Variants in PDIA2 observed in about 807,000 individuals in gnomAD.
PDIA2 encodes the protein protein disulfide isomerase family A member 2.
PDIA2 carries 76 observed loss-of-function variants against 51.1 expected under a neutral mutation model. The ratio of observed to expected loss-of-function variants is 1.49; its 90% confidence interval spans 1.24 to 1.80. The LOEUF is 1.80. Ranked by LOEUF, PDIA2 falls within the 40% of genes most tolerant of loss-of-function variation. The pLI, the probability that PDIA2 is intolerant of heterozygous loss-of-function variation, is 0.00. For missense variants in PDIA2, 946 were observed against 706.5 expected, an observed-to-expected ratio of 1.34 and a Z score of -3.84; for synonymous variants, 429 against 309.9, an observed-to-expected ratio of 1.38 and a Z score of -4.04.
chr16:285,817 G>GC lies in PDIA2; in HGVS notation c.1119+120dup, dbSNP rs2052350305. The GC allele has an allele frequency of 9.1e-6, 11 of 1,206,140 alleles. No individual in the cohort carries two copies. The South Asian group carries it at 1.3e-4, about 14-fold the overall frequency. 74.7% of individuals were successfully genotyped at this position (1,206,140 alleles called of 1,614,324 possible). A position where few individuals can be genotyped will look rare whatever the true frequency, so the allele number is the denominator to read the frequency against. Reference sequence around the variant, plus strand: ...CCCTGCCCCTGCAGGCCCCGCAGAGGCCCCCCTCAACCCGGCAATTCTCCC... The same window carrying GC: ...CCCTGCCCCTGCAGGCCCCGCAGAGGCCCCCCCTCAACCCGGCAATTCTCCC... On this transcript the variant is annotated intron_variant, in intron 7 of 10. Coordinates refer to ENST00000219406, the MANE Select transcript of PDIA2 (RefSeq NM_006849.4).
At position 285,295 on chromosome 16, in the gene PDIA2, C is replaced by T. The variant is rs757954999; in HGVS notation, c.796-17C>T. ...GCTGGGGGTCCTGTGGAGTCATGAG[C>T]ACCCTCCCTACTGTAGACGTCTGCC... On this transcript the variant is annotated splice_polypyrimidine_tract_variant and intron_variant, in intron 5 of 10. Transcript: ENST00000219406. 1.9e-6 allele frequency: 3 copies of T among 1,612,400 alleles called. No individual in the cohort carries two copies. In the East Asian group the frequency reaches 6.7e-5, roughly 36 times the overall value.
intron 10 of PDIA2, 51 bp downstream of exon 10, chr16:286,996 A>C (rs755845742): frequency 6.2e-7 from 1 of 1,611,188 alleles, no homozygotes; most frequent in African/African-American, 1.3e-5. Flanking sequence ...TCCTCTTTAC[A>C]CAGGGCTGGC....
chr16:283,902 T>C (rs1216151102), intron 1 of PDIA2, among the ~76,000 whole-genome samples: 3 of 152,204 alleles, frequency 2.0e-5, no homozygotes, highest in Non-Finnish European at 4.4e-5. Flanking sequence ...TTTGCTTTTG[T>C]CGCCCAGGCT....
intron 1 of PDIA2, among the ~76,000 whole-genome samples, chr16:283,842 C>T (rs77223682): frequency 6.6e-6 from 1 of 152,174 alleles, no homozygotes; most frequent in Admixed American, 6.5e-5. Flanking sequence ...CCCAGCCATA[C>T]AAGGCACGAA....
Position 284,722 on chromosome 16 carries a change from G to T in PDIA2, c.470G>T (p.Arg157Leu). ...CGGCGGGTGGGGCCCAGTGCCATGC[G>T]GCTGGAGGACGAGGCGGCCGCCCAG... is the stretch of plus-strand genomic sequence containing the variant. The part of the protein sequence containing the change: ...LRRRVGPSAM[R>L]LEDEAAAQAL... Residue 157 changes from arginine to leucine, a missense_variant, in exon 3 of 11, where the codon CGG becomes CTG. Physicochemically the swap from Arg to Leu is moderately radical, Grantham distance 102. Transcript: ENST00000219406. The T allele has an allele frequency of 6.4e-7, 1 of 1,571,360 alleles. No homozygotes were observed. The highest frequency in any genetic ancestry group is 8.6e-7 in the Non-Finnish European group (1 of 1,163,816).
Position 285,314 on chromosome 16 carries a change from G to A in PDIA2, c.798G>A (p.Thr266=), listed in dbSNP as rs569818288. 2.9e-5 allele frequency: 47 copies of A among 1,612,776 alleles called. No individual in the cohort carries two copies. The highest frequency in any genetic ancestry group is 1.6e-4 in the Middle Eastern group (1 of 6,082). ...CATGAGCACCCTCCCTACTGTAGAC[G>A]TCTGCCAAGATCTTCGCGGCCAGGA... ...MRLVTEFNSQ[T]SAKIFAARIL... is the part of the protein sequence containing the mutation. The change falls in exon 6 of 11, where the codon ACG becomes ACA. Residue 266 remains threonine, a splice_region_variant and synonymous_variant. Coordinates refer to ENST00000219406, the MANE Select transcript of PDIA2 (RefSeq NM_006849.4).
chr16:285,402 G>T lies in PDIA2; in HGVS notation c.886G>T (p.Gly296Cys). 1 of 1,612,204 alleles carries T rather than the reference G, an allele frequency of 6.2e-7. No homozygotes were observed. The highest frequency in any genetic ancestry group is 1.1e-5 in the South Asian group (1 of 91,064). ...TLAAHRELLA[G>C]FGEAAPRFRG... ...GGCTGCGCACCGGGAGCTCCTAGCG[G>T]GCTTTGGGGAGGCAGCTCCCCGCTT... Residue 296 changes from glycine (G) to cysteine (C), a missense_variant, in exon 6 of 11, where the codon GGC (glycine) becomes TGC (cysteine). Transcript: ENST00000219406.
rs1282828913 is a variant in PDIA2 at position 285,419 on chromosome 16, T to G, written c.903T>G (p.Ala301=). 2 of 1,429,674 alleles carry G rather than the reference T, an allele frequency of 1.4e-6. No individual in the cohort carries two copies. Among genetic ancestry groups the G allele is most frequent in the East Asian group, 3.1e-5 (1 of 32,002 alleles). The allele number at this position is 1,429,674 out of a possible 1,614,324, so 88.6% of individuals were successfully genotyped here. A position where few individuals can be genotyped will look rare whatever the true frequency, so the allele number is the denominator to read the frequency against. The change falls in exon 6 of 11, where the codon GCT becomes GCG. Residue 301 remains alanine, a synonymous_variant. Coordinates refer to ENST00000219406, the MANE Select transcript of PDIA2 (RefSeq NM_006849.4). ...RELLAGFGEA[A]PRFRGQVLFV... ...TCCTAGCGGGCTTTGGGGAGGCAGC[T>G]CCCCGCTTCCGGGGGCAGGTACTGG...
Position 284,881 on chromosome 16 carries a change from C to G in PDIA2, c.544C>G (p.Leu182Val), listed in dbSNP as rs778297395. ...DLVVIGFFQD[L>V]QDEDVATFLA... is the part of the protein sequence containing the mutation. ...CTCACAGGGCCAGGCCCCTCAGGACCTGCAGGACGAGGACGTGGCCACCTT... is the reference window on the plus strand; with the variant it reads ...CTCACAGGGCCAGGCCCCTCAGGACGTGCAGGACGAGGACGTGGCCACCTT... The change falls in exon 4 of 11, where the codon CTG becomes GTG. Residue 182 changes from leucine to valine, a missense_variant. Leu to Val is a conservative substitution (Grantham distance 32, BLOSUM62 1). Coordinates refer to ENST00000219406, the MANE Select transcript of PDIA2 (RefSeq NM_006849.4). 10 of 1,612,472 alleles carry G rather than the reference C, an allele frequency of 6.2e-6. No individual in the cohort carries two copies. The East Asian group carries it at 1.8e-4, about 29-fold the overall frequency.
chr16:283,989 C>CGAGT (rs1329236644), intron 1 of PDIA2, among the ~76,000 whole-genome samples: 1 of 152,220 alleles, frequency 6.6e-6, no homozygotes, highest in Non-Finnish European at 1.5e-5. Flanking sequence ...CTCAGCCTCC[C>CGAGT]GAGTAGCTGG....
chr16:284,162 C>G, intron 1 of PDIA2: 2 of 596,264 alleles, frequency 3.4e-6, no homozygotes, highest in Non-Finnish European at 6.0e-6. Flanking sequence ...GCCACTGAGC[C>G]TGGCTGTGGG....
rs750824109 is a variant in PDIA2, at chr16:285,489, T to A, written c.922-17T>A. The A allele has an allele frequency of 3.1e-6, 5 of 1,612,290 alleles. No individual in the cohort carries two copies. Among genetic ancestry groups the A allele is most frequent in the Non-Finnish European group, 3.4e-6 (4 of 1,179,846 alleles). On this transcript the variant is annotated splice_polypyrimidine_tract_variant and intron_variant, in intron 6 of 10. Coordinates refer to ENST00000219406, the MANE Select transcript of PDIA2 (RefSeq NM_006849.4). ...AGCGGGAGAGTGGCCGGTGCCAGCA[T>A]GGACTCCCTGCCACAGGTGCTGTTC... is the stretch of plus-strand genomic sequence containing the variant.
rs761656902 is a variant in PDIA2 at position 286,723 on chromosome 16, G to A, written c.1410G>A (p.Gly470=). The part of the protein sequence containing the change: ...GFPTLKYFPA[G]PGRKVIEYKS... ...CTACTCTCAAGTACTTCCCAGCAGG[G>A]CCAGGTCGGAAGGTATGGCGGACAG... is the stretch of plus-strand genomic sequence containing the variant. The change falls in exon 9 of 11, where the codon GGG becomes GGA. Residue 470 remains glycine (G), a synonymous_variant. Transcript: ENST00000219406. The A allele has an allele frequency of 3.1e-6, 5 of 1,612,764 alleles. No individual in the cohort carries two copies. The highest frequency in any genetic ancestry group is 2.7e-5 in the African/African-American group (2 of 74,950).
Position 284,797 on chromosome 16 carries a change from G to A in PDIA2, c.540+5G>A. On this transcript the variant is annotated splice_donor_5th_base_variant and intron_variant, in intron 3 of 10. Coordinates refer to ENST00000219406, the MANE Select transcript of PDIA2 (RefSeq NM_006849.4). ...GTGGTCATTGGCTTCTTCCAGGTGA[G>A]CCACTGGGCATGGGGGGCCGGGCCA... 3 of 1,578,274 alleles carry A rather than the reference G, an allele frequency of 1.9e-6. No individual in the cohort carries two copies. The highest frequency in any genetic ancestry group is 2.6e-6 in the Non-Finnish European group (3 of 1,164,982).
Position 285,377 on chromosome 16 carries a change from G to A in PDIA2, c.861G>A (p.Leu287=), listed in dbSNP as rs369378417. Residue 287 remains leucine (L), a synonymous_variant, in exon 6 of 11, where the codon CTG becomes CTA. Coordinates refer to ENST00000219406, the MANE Select transcript of PDIA2 (RefSeq NM_006849.4). The part of the protein sequence containing the change: ...NHLLLFVNQT[L]AAHRELLAGF... ...TGCTGCTGTTTGTCAACCAGACGCT[G>A]GCTGCGCACCGGGAGCTCCTAGCGG... 19 of 1,612,638 alleles carry A rather than the reference G, an allele frequency of 1.2e-5. No homozygotes were observed. Among genetic ancestry groups the A allele is most frequent in the Non-Finnish European group, 1.6e-5 (19 of 1,179,892 alleles).
Position 287,159 on chromosome 16 carries a change from C to T in PDIA2, c.*46C>T. ...CCATCACTGCTGGACAGGAGCCACC[C>T]CCTTGGGTACCAGAGGGAGCTGTGC... On this transcript the variant is annotated 3_prime_UTR_variant, in exon 11 of 11. Coordinates refer to ENST00000219406, the MANE Select transcript of PDIA2 (RefSeq NM_006849.4). The T allele has an allele frequency of 6.2e-7, 1 of 1,608,272 alleles. No individual in the cohort carries two copies. The highest frequency in any genetic ancestry group is 8.5e-7 in the Non-Finnish European group (1 of 1,176,196).
chr16:284,737 C>T lies in PDIA2; in HGVS notation c.485C>T (p.Ala162Val), dbSNP rs368640160. ...AGTGCCATGCGGCTGGAGGACGAGG[C>T]GGCCGCCCAGGCGCTGATCGGTGGC... ...GPSAMRLEDE[A>V]AAQALIGGRD... The change falls in exon 3 of 11, where the codon GCG becomes GTG. Residue 162 changes from alanine (A) to valine (V), a missense_variant. Coordinates refer to ENST00000219406, the MANE Select transcript of PDIA2 (RefSeq NM_006849.4). 1.7e-5 allele frequency: 26 copies of T among 1,561,936 alleles called. No individual in the cohort carries two copies. The highest frequency in any genetic ancestry group is 1.7e-4 in the Middle Eastern group (1 of 5,916).
rs546179807 is a variant in PDIA2, at chr16:286,275, C to A, written c.1120-78C>A. ...CTGACCCCGCACAGGACCTCCCCCC[C>A]ACCCCCCAGGCCCTGCACAGGACCT... On this transcript the variant is annotated intron_variant, in intron 7 of 10. Coordinates refer to ENST00000219406, the MANE Select transcript of PDIA2 (RefSeq NM_006849.4). 4.2e-5 allele frequency: 36 copies of A among 848,354 alleles called. 2 individuals are homozygous for A. The highest frequency in any genetic ancestry group is 3.4e-4 in the Admixed American group (9 of 26,764). 52.6% of individuals were successfully genotyped at this position (848,354 alleles called of 1,614,324 possible). A position where few individuals can be genotyped will look rare whatever the true frequency, so the allele number is the denominator to read the frequency against.
In PDIA2 at chr16:284,926, G is replaced by A. The variant is rs146199896; in HGVS notation, c.589G>A (p.Ala197Thr). 1.8e-4 allele frequency: 293 copies of A among 1,612,934 alleles called. No individual in the cohort carries two copies. In the African/African-American group the frequency reaches 2.9e-3, roughly 16 times the overall value. ...VATFLALAQD[A>T]LDMTFGLTDR... ...CACCTTCTTGGCCTTGGCCCAGGAC[G>A]CCCTGGACATGACCTTTGGCCTCAC... is the stretch of plus-strand genomic sequence containing the variant. The change falls in exon 4 of 11, where the codon GCC becomes ACC. Residue 197 changes from alanine (A) to threonine (T), a missense_variant. Physicochemically the swap from Ala to Thr is moderately conservative, Grantham distance 58. Coordinates refer to ENST00000219406, the MANE Select transcript of PDIA2 (RefSeq NM_006849.4).
Sources: allele counts gnomAD v4.1 joint callset (sites outside exome capture counted in the v4.1 genomes callset), GRCh38; gene constraint gnomAD v4.1.1; transcripts MANE v1.5; gene names NCBI Gene and HGNC (gene_info 2026-07-23, HGNC 2026-07-21).